NSMCE2: variants seen among roughly 807,000 people sequenced by gnomAD.
NSMCE2 encodes NSE2 SUMO ligase component of SMC5/6 complex.
NSMCE2 carries 24 observed loss-of-function variants against 23.8 expected under a neutral mutation model. That is an observed-to-expected ratio of 1.01 (90% CI 0.73 to 1.42). NSMCE2 has a LOEUF of 1.42. Among genes scored for constraint, NSMCE2 ranks in the 40% most tolerant of loss-of-function variants. NSMCE2 has a pLI of 0.00. For synonymous variants in NSMCE2, 92 were observed against 94.1 expected (o/e 0.98, Z 0.13); for missense variants, 284 against 296.5 (o/e 0.96, Z 0.31).
At chr8:125,326,978 G>T (rs1829690448) in intron 5 of NSMCE2, among the ~76,000 whole-genome samples, 1 of 147,066 alleles carries the variant, frequency 6.8e-6, no homozygotes, top group Admixed American at 6.9e-5. Context: ...GAGAGAGAGA[G>T]AGGGCCAGGC....
Position 125,357,243 on chromosome 8 carries a change from C to T in NSMCE2, c.443C>T (p.Ala148Val), listed in dbSNP as rs765241535. The change falls in exon 6 of 8, where the codon GCT (alanine) becomes GTT (valine). Residue 148 changes from alanine (A) to valine (V), a missense_variant. This residue lies in a region of NSMCE2 where 102 missense variants were observed against 141.0 expected (regional missense o/e 0.72). Transcript: ENST00000287437. ...KQCGLQADRE[A>V]DGTEGVDEDI... is the part of the protein sequence containing the mutation. ...GGTGGTCTTCAAGCTGACAGAGAAG[C>T]TGACGGAACAGAAGGAGTGGATGAA... The T allele has an allele frequency of 6.2e-7, 1 of 1,613,090 alleles. No individual in the cohort carries two copies. The highest frequency in any genetic ancestry group is 8.5e-7 in the Non-Finnish European group (1 of 1,179,044).
At chr8:125,356,307 T>C (rs1813273056) in intron 5 of NSMCE2, among the ~76,000 whole-genome samples, 1 of 150,968 alleles carries the variant, frequency 6.6e-6, no homozygotes, top group Non-Finnish European at 1.5e-5. Context: ...GGATTATTAC[T>C]GTTACTTTTA....
At chr8:125,165,953 A>G (rs897678388) in intron 4 of NSMCE2, among the ~76,000 whole-genome samples, 17 of 152,232 alleles carry the variant, frequency 1.1e-4, no homozygotes, top group African/African-American at 4.1e-4. Flanking sequence ...GGGAGTGAAC[A>G]GAGCAGGTAA....
At chr8:125,172,999 C>A (rs1424732243) in intron 4 of NSMCE2, among the ~76,000 whole-genome samples, 2 of 152,130 alleles carry the variant, frequency 1.3e-5, no homozygotes, top group Non-Finnish European at 2.9e-5. Flanking sequence ...CTTCCATTAT[C>A]TTTCACCGCT....
intron 5 of NSMCE2, among the ~76,000 whole-genome samples, chr8:125,290,547 GTTATGTAT>G (rs1487498659): frequency 6.6e-6 from 1 of 151,946 alleles, no homozygotes; most frequent in Non-Finnish European, 1.5e-5. Flanking sequence ...AGCATTCTAG[GTTATGTAT>G]CCTCTTTCAG....
In NSMCE2 at chr8:125,212,035, A is replaced by G. The variant is rs942180330; in HGVS notation, c.418+29779A>G. On this transcript the variant is annotated intron_variant, in intron 5 of 7. Coordinates refer to ENST00000287437, the MANE Select transcript of NSMCE2 (RefSeq NM_173685.4). ...AAACGTTTATGGATTGATTAGCCTA[A>G]GTGGGCAAAGTCCATCTGTCTCTAT... is the stretch of plus-strand genomic sequence containing the variant. Among the ~76,000 whole-genome samples the G allele has an allele frequency of 3.3e-5, 5 of 152,308 alleles. No homozygotes were observed. The East Asian group carries it at 9.6e-4, about 29-fold the overall frequency.
At chr8:125,218,234 C>G (rs555735376) in intron 5 of NSMCE2, among the ~76,000 whole-genome samples, 1 of 152,102 alleles carries the variant, frequency 6.6e-6, no homozygotes, top group Non-Finnish European at 1.5e-5. Flanking sequence ...ATACTAACCA[C>G]CATGTCTACT....
intron 5 of NSMCE2, among the ~76,000 whole-genome samples, chr8:125,311,231 C>T (rs181595360): frequency 6.6e-6 from 1 of 152,228 alleles, no homozygotes; most frequent in East Asian, 1.9e-4. Context: ...AGAATAGAAA[C>T]CATGAAGAAA....
chr8:125,348,522 T>C (rs1298930698), intron 5 of NSMCE2: 3 of 152,104 alleles, frequency 2.0e-5, no homozygotes, highest in Non-Finnish European at 4.4e-5. Context: ...CCCACCCAAA[T>C]CTCATCTTGA....
chr8:125,109,258 T>C (rs1007434019), intron 3 of NSMCE2, among the ~76,000 whole-genome samples: 4 of 152,162 alleles, frequency 2.6e-5, no homozygotes, highest in Non-Finnish European at 4.4e-5. Context: ...AGGTTTCCTA[T>C]TTATAAAAGG....
At chr8:125,309,196 C>T (rs887168581) in intron 5 of NSMCE2, among the ~76,000 whole-genome samples, 2 of 145,034 alleles carry the variant, frequency 1.4e-5, no homozygotes, top group Non-Finnish European at 3.0e-5. Flanking sequence ...TGCAATGAGC[C>T]GAGATCACGC....
intron 7 of NSMCE2, 38 bp downstream of exon 7, chr8:125,357,856 G>A (rs576792068): frequency 7.1e-7 from 1 of 1,412,906 alleles, no homozygotes; most frequent in South Asian, 1.2e-5. Context: ...GCCTTCCCTA[G>A]TGGTAGTTAC....
At chr8:125,168,464 T>G (rs1201723867) in intron 4 of NSMCE2, among the ~76,000 whole-genome samples, 1 of 152,250 alleles carries the variant, frequency 6.6e-6, no homozygotes, top group Non-Finnish European at 1.5e-5. Context: ...CAGTAGCTTA[T>G]GAACAACAGA....
intron 5 of NSMCE2, among the ~76,000 whole-genome samples, chr8:125,302,575 TATAGAAG>T (rs1454592322): frequency 2.6e-5 from 4 of 152,156 alleles, no homozygotes; most frequent in Admixed American, 2.6e-4. Context: ...TTATTGAGCT[TATAGAAG>T]ATAGCTGGCA....
Position 125,356,899 on chromosome 8 carries a change from C to T in NSMCE2, c.419-320C>T, listed in dbSNP as rs1171322133. 2.6e-5 allele frequency among the ~76,000 whole-genome samples: 4 copies of T among 152,168 alleles called. No individual in the cohort carries two copies. In the East Asian group the frequency reaches 7.7e-4, roughly 29 times the overall value. ...CTTTAAAAAAGGGCACCTTGCTAGC[C>T]CAGCGTCTCACCACTGGACAAGAAA... is the stretch of plus-strand genomic sequence containing the variant. On this transcript the variant is annotated intron_variant, in intron 5 of 7. Transcript: ENST00000287437.
intron 5 of NSMCE2, among the ~76,000 whole-genome samples, chr8:125,278,422 T>C (rs546656894): frequency 1.1e-4 from 17 of 152,220 alleles, no homozygotes; most frequent in Non-Finnish European, 2.2e-4. Flanking sequence ...AAGGGCAGTA[T>C]GCTAGTGCAG....
chr8:125,177,024 A>C (rs1822532970), intron 4 of NSMCE2, among the ~76,000 whole-genome samples: 1 of 152,200 alleles, frequency 6.6e-6, no homozygotes, highest in African/African-American at 2.4e-5. Flanking sequence ...TTTTTGCCCT[A>C]GTACTGGAAT....
At chr8:125,292,384 A>T (rs1828145126) in intron 5 of NSMCE2, among the ~76,000 whole-genome samples, 1 of 152,004 alleles carries the variant, frequency 6.6e-6, no homozygotes, top group South Asian at 2.1e-4. Flanking sequence ...GTGAAACCCC[A>T]TCTCTACTAA....
intron 5 of NSMCE2, among the ~76,000 whole-genome samples, chr8:125,342,503 G>A (rs28679282): frequency 0.044 from 6,726 of 152,136 alleles, 507 homozygotes; most frequent in African/African-American, 0.15. Flanking sequence ...GGACAAGGAG[G>A]GGGTGGGTGA....
Sources: allele counts gnomAD v4.1 joint callset (sites outside exome capture counted in the v4.1 genomes callset), GRCh38; gene constraint gnomAD v4.1.1; regional missense constraint gnomAD v4.1.1; transcripts MANE v1.5; gene names NCBI Gene and HGNC (gene_info 2026-07-23, HGNC 2026-07-21).